Variants in PITPNC1 observed in about 807,000 individuals in gnomAD.
PITPNC1 encodes the protein phosphatidylinositol transfer protein cytoplasmic 1.
Under a neutral mutation model 44.7 loss-of-function variants are expected in PITPNC1, and 18 were observed. The ratio of observed to expected loss-of-function variants is 0.40; its 90% CI spans 0.28 to 0.60. The LOEUF (loss-of-function observed/expected upper bound fraction) is 0.60, where lower values mean the gene tolerates loss of function less well. Among genes scored for constraint, PITPNC1 ranks in the 20% least tolerant of loss-of-function variants. The pLI, the probability that PITPNC1 is intolerant of heterozygous loss-of-function variation, is 0.39. For missense variants in PITPNC1, 290 were observed against 418.4 expected (o/e 0.69, Z 2.68); for synonymous variants, 141 against 149.6 (o/e 0.94, Z 0.42).
intron 1 of PITPNC1, among the ~76,000 whole-genome samples, chr17:67,497,369 C>G (rs533245215): frequency 1.2e-4 from 18 of 151,814 alleles, no homozygotes; most frequent in African/African-American, 4.1e-4. Context: ...GGAAGTCACC[C>G]TGTGCAGGCA....
chr17:67,570,033 T>C (rs1365893924), intron 4 of PITPNC1, among the ~76,000 whole-genome samples: 1 of 152,148 alleles, frequency 6.6e-6, no homozygotes, highest in Non-Finnish European at 1.5e-5. Context: ...GCGTGCTTTT[T>C]TGCCTCCCCC....
At chr17:67,393,292 G>A (rs2038166337) in intron 1 of PITPNC1, among the ~76,000 whole-genome samples, 1 of 152,048 alleles carries the variant, frequency 6.6e-6, no homozygotes, top group Admixed American at 6.6e-5. Flanking sequence ...TTGCAGAATT[G>A]AAACTCTGTA....
At chr17:67,548,914 C>T (rs374981939) in intron 2 of PITPNC1, among the ~76,000 whole-genome samples, 1 of 152,120 alleles carries the variant, frequency 6.6e-6, no homozygotes, top group Non-Finnish European at 1.5e-5. Context: ...GTGACAGCAA[C>T]AGTGGGGACT....
intron 2 of PITPNC1, among the ~76,000 whole-genome samples, chr17:67,544,780 G>T (rs1436621496): frequency 1.3e-5 from 2 of 152,178 alleles, no homozygotes; most frequent in Non-Finnish European, 2.9e-5. Flanking sequence ...TGTGGTCATG[G>T]CTTGGGTCTC....
In PITPNC1 at chr17:67,612,476, T is replaced by C. The variant is rs1233404813; in HGVS notation, c.367-19667T>C. On this transcript the variant is annotated intron_variant, in intron 5 of 8. Coordinates refer to ENST00000581322, the MANE Select transcript of PITPNC1 (RefSeq NM_012417.4). ...ACCTAACGTCCTCACTTCCAGGTGA[T>C]GAAATGGAGGCCTGGAGGAGTTTCT... 7 of 152,366 alleles carry C rather than the reference T, an allele frequency of 4.6e-5. No individual in the cohort carries two copies. The East Asian group carries it at 1.3e-3, about 29-fold the overall frequency. 9.4% of individuals were successfully genotyped at this position (152,366 alleles called of 1,614,324 possible).
intron 1 of PITPNC1, among the ~76,000 whole-genome samples, chr17:67,433,425 A>G (rs971021939): frequency 6.6e-6 from 1 of 152,192 alleles, no homozygotes; most frequent in Non-Finnish European, 1.5e-5. Context: ...AGGGCAAGCC[A>G]GCCCCGGGCA....
chr17:67,400,848 G>A (rs943046575), intron 1 of PITPNC1, among the ~76,000 whole-genome samples: 2 of 151,172 alleles, frequency 1.3e-5, no homozygotes, highest in Non-Finnish European at 2.9e-5. Context: ...TTCCCTGTAG[G>A]GTCTAATCCT....
At position 67,426,498 on chromosome 17, in the gene PITPNC1, T is replaced by G. The variant is rs532080277; in HGVS notation, c.48+48296T>G. Among the ~76,000 whole-genome samples the G allele has an allele frequency of 6.6e-5, 10 of 151,138 alleles. No homozygotes were observed. The East Asian group carries it at 2.0e-3, about 30-fold the overall frequency. ...CTGGAAGCCATCATCCTCAACAAAC[T>G]AACAGAGGAACAGAAAACCAAACAC... On this transcript the variant is annotated intron_variant, in intron 1 of 8. Transcript: ENST00000581322.
chr17:67,422,433 C>G (rs2038683972), intron 1 of PITPNC1, among the ~76,000 whole-genome samples: 1 of 152,184 alleles, frequency 6.6e-6, no homozygotes, highest in South Asian at 2.1e-4. Flanking sequence ...TGCTATGTTG[C>G]CTAGGCTGGT....
At chr17:67,686,175 G>C (rs1163158136) in intron 8 of PITPNC1, among the ~76,000 whole-genome samples, 1 of 150,712 alleles carries the variant, frequency 6.6e-6, no homozygotes, top group East Asian at 1.9e-4. Context: ...TCTCAACTTT[G>C]GTACTATTGA....
chr17:67,614,728 C>G (rs1172477382), intron 5 of PITPNC1, among the ~76,000 whole-genome samples: 1 of 151,038 alleles, frequency 6.6e-6, no homozygotes, highest in Non-Finnish European at 1.5e-5. Flanking sequence ...AATGACATCA[C>G]AGCCCAGGCA....
chr17:67,419,190 A>G (rs1351069722), intron 1 of PITPNC1, among the ~76,000 whole-genome samples: 2 of 151,906 alleles, frequency 1.3e-5, no homozygotes, highest in African/African-American at 2.4e-5. Context: ...AAAATGAGAA[A>G]GCAGAAAGAT....
At chr17:67,544,381 A>G in intron 2 of PITPNC1, among the ~76,000 whole-genome samples, 1 of 149,650 alleles carries the variant, frequency 6.7e-6, no homozygotes, top group Non-Finnish European at 1.5e-5. Flanking sequence ...ATCCCTTCCC[A>G]CTGAAGCCCA....
At chr17:67,473,265 G>A (rs921332172) in intron 1 of PITPNC1, among the ~76,000 whole-genome samples, 2 of 152,008 alleles carry the variant, frequency 1.3e-5, no homozygotes, top group African/African-American at 4.8e-5. Flanking sequence ...GAACTCCTGG[G>A]CTCAAGCTGT....
chr17:67,528,021 T>C (rs1246673372), intron 1 of PITPNC1, among the ~76,000 whole-genome samples: 2 of 152,042 alleles, frequency 1.3e-5, no homozygotes, highest in Non-Finnish European at 2.9e-5. Flanking sequence ...TTAAATTATT[T>C]ATTTTATTTA....
At chr17:67,475,512 A>G (rs1172323125) in intron 1 of PITPNC1, among the ~76,000 whole-genome samples, 1 of 152,212 alleles carries the variant, frequency 6.6e-6, no homozygotes, top group African/African-American at 2.4e-5. Flanking sequence ...CATTTCAAAC[A>G]TAGCGAACAC....
chr17:67,661,080 C>A (rs1189977236), intron 6 of PITPNC1, among the ~76,000 whole-genome samples: 1 of 148,334 alleles, frequency 6.7e-6, no homozygotes, highest in Non-Finnish European at 1.5e-5. Context: ...CTATGTTGGC[C>A]AGGCTGGTCT....
chr17:67,423,974 A>G (rs1292499681), intron 1 of PITPNC1, among the ~76,000 whole-genome samples: 2 of 151,788 alleles, frequency 1.3e-5, no homozygotes, highest in Admixed American at 6.6e-5. Flanking sequence ...TTTAACACCA[A>G]TCCAAAACCT....
chr17:67,664,918 A>AG (rs1287380728), intron 6 of PITPNC1, among the ~76,000 whole-genome samples: 3 of 139,962 alleles, frequency 2.1e-5, no homozygotes, highest in Non-Finnish European at 4.4e-5. Context: ...AAAAAAAAAA[A>AG]AAGAAGAAGA....
Sources: allele counts gnomAD v4.1 joint callset (sites outside exome capture counted in the v4.1 genomes callset), GRCh38; gene constraint gnomAD v4.1.1; transcripts MANE v1.5; gene names NCBI Gene and HGNC (gene_info 2026-07-23, HGNC 2026-07-21).